Variants in DLC1 observed in about 807,000 individuals in gnomAD.
DLC1 encodes the protein rho GTPase-activating protein 7.
DLC1 carries 54 observed loss-of-function variants against 140.3 expected under a neutral mutation model. The observed-to-expected ratio is 0.38, with a 90% CI of 0.31 to 0.48. The LOEUF (loss-of-function observed/expected upper bound fraction) is 0.48, where lower values mean the gene tolerates loss of function less well. Among genes scored for constraint, DLC1 ranks in the 20% least tolerant of loss-of-function variants. The pLI, the probability that DLC1 is intolerant of heterozygous loss-of-function variation, is 0.96. For synonymous variants in DLC1, 986 were observed against 728.1 expected (o/e 1.35, Z -5.70); for missense variants, 2,536 against 1,907.0 (o/e 1.33, Z -6.14).
At chr8:13,567,702 CA>C (rs771705729) in intron 1 of DLC1, 1 of 1,551,932 alleles carries the variant, frequency 6.4e-7, no homozygotes, top group South Asian at 1.2e-5. Flanking sequence ...ATCTTCATAC[CA>C]AAGACTTTCT....
intron 15 of DLC1, among the ~76,000 whole-genome samples, chr8:13,089,169 G>T (rs1817826954): frequency 6.6e-6 from 1 of 152,036 alleles, no homozygotes. Flanking sequence ...TGAGGAAGGA[G>T]AATCACTTGA....
At chr8:13,186,477 A>T (rs1459047431) in intron 5 of DLC1, among the ~76,000 whole-genome samples, 1 of 152,096 alleles carries the variant, frequency 6.6e-6, no homozygotes, top group Non-Finnish European at 1.5e-5. Flanking sequence ...TGAAGTTCTC[A>T]TGCCATGGTT....
At chr8:13,225,726 T>C (rs1003610367) in intron 5 of DLC1, among the ~76,000 whole-genome samples, 7 of 151,600 alleles carry the variant, frequency 4.6e-5, no homozygotes, top group African/African-American at 7.3e-5. Flanking sequence ...CACCATTCTC[T>C]TGCCTCAGCC....
chr8:13,301,223 C>CA (rs754993209), intron 5 of DLC1, among the ~76,000 whole-genome samples: 2,192 of 132,506 alleles, frequency 0.017, 38 homozygotes, highest in South Asian at 0.046. Flanking sequence ...GTCTAATAGA[C>CA]AAAAAAAAAA....
chr8:13,517,364 A>G (rs1393761018), upstream of DLC1, among the ~76,000 whole-genome samples: 1 of 152,224 alleles, frequency 6.6e-6, no homozygotes, highest in Admixed American at 6.5e-5. Flanking sequence ...AATGCCTTTT[A>G]GATATCTAGA....
upstream of DLC1, among the ~76,000 whole-genome samples, chr8:13,515,210 C>T (rs1304911974): frequency 6.6e-6 from 1 of 152,148 alleles, no homozygotes; most frequent in African/African-American, 2.4e-5. Flanking sequence ...GCTCTCATTT[C>T]AAAAGATCTT....
chr8:13,349,021 C>T (rs1350518374), intron 4 of DLC1, among the ~76,000 whole-genome samples: 2 of 152,128 alleles, frequency 1.3e-5, no homozygotes, highest in African/African-American at 4.8e-5. Flanking sequence ...TTATATGTAG[C>T]ACTAAGATTC....
intron 3 of DLC1, among the ~76,000 whole-genome samples, chr8:13,400,067 T>C (rs1385940594): frequency 6.6e-6 from 1 of 152,082 alleles, no homozygotes; most frequent in Admixed American, 6.5e-5. Context: ...GGAAAAAAAT[T>C]TGATGGTGAA....
At chr8:13,094,248 C>T (rs563775995) in intron 12 of DLC1, among the ~76,000 whole-genome samples, 2 of 152,318 alleles carry the variant, frequency 1.3e-5, no homozygotes, top group East Asian at 3.9e-4. Context: ...TCATTAGAGA[C>T]TGGGAAATTT....
chr8:13,596,641 A>G (rs1281853122), intron 1 of DLC1, among the ~76,000 whole-genome samples: 5 of 151,980 alleles, frequency 3.3e-5, no homozygotes, highest in Non-Finnish European at 1.5e-5. Context: ...GGATATGCTT[A>G]TTGAGATAAA....
intron 1 of DLC1, among the ~76,000 whole-genome samples, chr8:13,579,758 A>G (rs1447974644): frequency 1.3e-5 from 2 of 151,148 alleles, no homozygotes; most frequent in Non-Finnish European, 2.9e-5. Context: ...AGCAGCAGCA[A>G]AAACATTTTG....
chr8:13,376,294 C>T (rs532590216), intron 4 of DLC1, among the ~76,000 whole-genome samples: 9 of 152,216 alleles, frequency 5.9e-5, no homozygotes, highest in South Asian at 2.1e-4. Flanking sequence ...GGAAAAACAG[C>T]GGGGTGCTGC....
intron 1 of DLC1, among the ~76,000 whole-genome samples, chr8:13,552,039 GTATA>G (rs1249544637): frequency 7.7e-6 from 1 of 129,796 alleles, no homozygotes; most frequent in Admixed American, 8.1e-5. Context: ...ATGTGTGTGT[GTATA>G]TATATATATA....
chr8:13,579,908 C>T (rs915844977), intron 1 of DLC1, among the ~76,000 whole-genome samples: 8 of 151,636 alleles, frequency 5.3e-5, no homozygotes, highest in Non-Finnish European at 1.2e-4. Flanking sequence ...GAATGGTGGC[C>T]AGTGCCTGGT....
chr8:13,090,360 T>C lies in DLC1; in HGVS notation c.3966A>G (p.Gln1322=), dbSNP rs1817946812. The C allele has an allele frequency of 1.2e-6, 2 of 1,614,166 alleles. No individual in the cohort carries two copies. The highest frequency in any genetic ancestry group is 1.7e-6 in the Non-Finnish European group (2 of 1,180,028). Reference sequence around the variant, plus strand: ...CATCCACACAGTCCTGGAGGAAGTGTTGGTAGTCAGCTGAGTCATCATTAC... The same window carrying C: ...CATCCACACAGTCCTGGAGGAAGTGCTGGTAGTCAGCTGAGTCATCATTAC... ...HLGNDDSADY[Q]HFLQDCVDGL... Residue 1322 remains glutamine, a synonymous_variant, in exon 15 of 18, where the codon CAA becomes CAG. Coordinates refer to ENST00000276297, the MANE Select transcript of DLC1 (RefSeq NM_182643.3).
chr8:13,511,174 C>T (rs1802345967), intron 1 of DLC1, among the ~76,000 whole-genome samples: 1 of 152,126 alleles, frequency 6.6e-6, no homozygotes, highest in African/African-American at 2.4e-5. Context: ...CTGATTTTCT[C>T]TTTGAATTAT....
chr8:13,329,135 C>T (rs564876789), intron 4 of DLC1, among the ~76,000 whole-genome samples: 1 of 152,250 alleles, frequency 6.6e-6, no homozygotes, highest in African/African-American at 2.4e-5. Context: ...GATGAAGAAT[C>T]GAGTCCTGCC....
At chr8:13,226,448 T>C (rs1426108815) in intron 5 of DLC1, among the ~76,000 whole-genome samples, 3 of 152,208 alleles carry the variant, frequency 2.0e-5, no homozygotes, top group African/African-American at 7.2e-5. Flanking sequence ...TAAGTACTGA[T>C]ATATGGGCTA....
intron 4 of DLC1, among the ~76,000 whole-genome samples, chr8:13,320,612 T>C (rs1586132443): frequency 6.6e-6 from 1 of 152,184 alleles, no homozygotes; most frequent in Non-Finnish European, 1.5e-5. Context: ...TGGGGTCTCA[T>C]GGGAGGTGTT....
Sources: gnomAD v4.1 joint callset for allele counts (sites outside exome capture counted in the v4.1 genomes callset) on GRCh38, gnomAD v4.1.1 for gene constraint, MANE v1.5 for transcripts, NCBI Gene and HGNC (gene_info 2026-07-23, HGNC 2026-07-21) for gene names.